The following YWHAZ variants were observed in gnomAD, a reference collection of about 807,000 sequenced individuals.
YWHAZ encodes 14-3-3 protein zeta/delta.
For synonymous variants in YWHAZ, 87 were observed against 103.6 expected, an observed-to-expected ratio of 0.84 and a Z score of 0.97; for missense variants, 79 against 284.8, an observed-to-expected ratio of 0.28 and a Z score of 5.20.
chr8:100,936,712 A>T (rs1374822821), intron 2 of YWHAZ, among the ~76,000 whole-genome samples: 4 of 152,156 alleles, frequency 2.6e-5, no homozygotes, highest in African/African-American at 4.8e-5. Flanking sequence ...GAGGCAGGTG[A>T]ATCGCTTGAA....
chr8:100,940,062 C>CAAA (rs33984830), intron 2 of YWHAZ, among the ~76,000 whole-genome samples: 18,677 of 98,750 alleles, frequency 0.19, 2,729 homozygotes, highest in East Asian at 0.47. Context: ...GACTCCGTCT[C>CAAA]AAAAAAAAAA....
chr8:100,951,403 A>AG, intron 1 of YWHAZ: 4 of 962,098 alleles, frequency 4.2e-6, no homozygotes, highest in Non-Finnish European at 3.7e-6. Context: ...AGGCTGCGCG[A>AG]GGGGGAGGGA....
chr8:100,934,596 G>A (rs1315256035), intron 2 of YWHAZ, among the ~76,000 whole-genome samples: 1 of 152,028 alleles, frequency 6.6e-6, no homozygotes, highest in Non-Finnish European at 1.5e-5. Flanking sequence ...AGCTACTCAG[G>A]AGACTGAGAC....
chr8:100,945,878 C>T (rs1297017832), intron 2 of YWHAZ, among the ~76,000 whole-genome samples: 7 of 151,916 alleles, frequency 4.6e-5, no homozygotes, highest in Non-Finnish European at 1.0e-4. Context: ...AGCCTTTCTG[C>T]TTGTTTAACA....
chr8:100,925,331 G>A (rs1813285928), intron 2 of YWHAZ, among the ~76,000 whole-genome samples: 1 of 152,092 alleles, frequency 6.6e-6, no homozygotes, highest in Admixed American at 6.6e-5. Flanking sequence ...ATGAATGTGG[G>A]GCATGACCGT....
upstream of YWHAZ, chr8:100,952,195 C>T (rs116539897): frequency 3.6e-4 from 354 of 980,496 alleles, 1 homozygote; most frequent in Non-Finnish European, 4.1e-4. Flanking sequence ...CCCCGGCGCT[C>T]GTCCTGCCCG....
At chr8:100,925,480 T>C (rs1343102651) in intron 2 of YWHAZ, among the ~76,000 whole-genome samples, 1 of 152,172 alleles carries the variant, frequency 6.6e-6, no homozygotes, top group Non-Finnish European at 1.5e-5. Context: ...AAACCAATAA[T>C]GTAAGACACT....
intron 2 of YWHAZ, among the ~76,000 whole-genome samples, chr8:100,931,163 A>C (rs1324415620): frequency 1.3e-5 from 2 of 152,246 alleles, no homozygotes; most frequent in East Asian, 3.8e-4. Context: ...TTTCCTCCCA[A>C]GCCAGTTTCC....
chr8:100,951,270 C>G, intron 1 of YWHAZ: 1 of 984,814 alleles, frequency 1.0e-6, no homozygotes, highest in Non-Finnish European at 1.2e-6. Context: ...TGGGCTCCGG[C>G]CCGCTCTCGG....
At chr8:100,953,262 T>A (rs1810927479), upstream of YWHAZ, 1 of 985,364 alleles carries the variant, frequency 1.0e-6, no homozygotes, top group South Asian at 4.7e-5. Flanking sequence ...CACATGACGA[T>A]CATTACCTTT....
At chr8:100,936,038 G>A (rs1814124350) in intron 2 of YWHAZ, among the ~76,000 whole-genome samples, 1 of 152,134 alleles carries the variant, frequency 6.6e-6, no homozygotes, top group Non-Finnish European at 1.5e-5. Context: ...CAATCATTAA[G>A]TATTTGTACA....
intron 1 of YWHAZ, 101 bp downstream of exon 1, chr8:100,951,828 G>T: frequency 1.0e-6 from 1 of 985,690 alleles, no homozygotes; most frequent in South Asian, 4.7e-5. Flanking sequence ...CGCCACCGCG[G>T]GGCGAGTGGG....
chr8:100,924,821 A>G lies in YWHAZ; in HGVS notation c.418+95T>C. On this transcript the variant is annotated intron_variant, in intron 3 of 5. Coordinates refer to ENST00000395958, the MANE Select transcript of YWHAZ (RefSeq NM_145690.3). This position sits in a 1 kb window ranked among gnomAD's most constrained non-coding sequence, Gnocchi z 5.7. ...CTGCTACTCCTTATTCGGCACTCTA[A>G]GCAATTCAAAACAAGACATTATGTA... The G allele has an allele frequency of 6.6e-7, 1 of 1,522,558 alleles. No individual in the cohort carries two copies. Among genetic ancestry groups the G allele is most frequent in the Non-Finnish European group, 8.9e-7 (1 of 1,120,054 alleles). The allele number at this position is 1,522,558 out of a possible 1,614,324, so 94.3% of individuals were successfully genotyped here.
intron 2 of YWHAZ, among the ~76,000 whole-genome samples, chr8:100,942,090 T>TA (rs1412837993): frequency 6.6e-6 from 1 of 152,136 alleles, no homozygotes; most frequent in Non-Finnish European, 1.5e-5. Flanking sequence ...TCACAACAAA[T>TA]CCTGTCAAAA....
intron 2 of YWHAZ, among the ~76,000 whole-genome samples, chr8:100,926,049 C>CA (rs34422675): frequency 6.0e-5 from 9 of 150,934 alleles, no homozygotes; most frequent in East Asian, 1.9e-4. Flanking sequence ...TCCATTCTTA[C>CA]AAAAAAAAAG....
intron 2 of YWHAZ, among the ~76,000 whole-genome samples, chr8:100,938,544 A>C (rs1814366745): frequency 6.6e-6 from 1 of 152,226 alleles, no homozygotes; most frequent in Admixed American, 6.5e-5. Context: ...TCATTAATAG[A>C]TTTAATTCCA....
rs181938609 is a variant in YWHAZ, at chr8:100,935,989, G to C, written c.295-10950C>G. Among the ~76,000 whole-genome samples, 14 of 152,072 alleles carry C rather than the reference G, an allele frequency of 9.2e-5. No individual in the cohort carries two copies. In the East Asian group the frequency reaches 1.2e-3, roughly 13 times the overall value. On this transcript the variant is annotated intron_variant, in intron 2 of 5. Coordinates refer to ENST00000395958, the MANE Select transcript of YWHAZ (RefSeq NM_145690.3). ...AGTAATCAGAGAATTTATAAACTAA[G>C]GGTCCTTAGACCAAACCCCAAAATT...
intron 1 of YWHAZ, 89 bp downstream of exon 1, chr8:100,951,840 A>T (rs1810813158): frequency 1.0e-6 from 1 of 985,890 alleles, no homozygotes; most frequent in Admixed American, 6.2e-5. Flanking sequence ...GCGAGTGGGG[A>T]TGAGGGGACG....
At chr8:100,932,513 A>G (rs1813828014) in intron 2 of YWHAZ, among the ~76,000 whole-genome samples, 1 of 152,226 alleles carries the variant, frequency 6.6e-6, no homozygotes, top group Non-Finnish European at 1.5e-5. Flanking sequence ...TTACAGTCAT[A>G]AAAAAGTAGA....
Sources: allele counts gnomAD v4.1 joint callset (sites outside exome capture counted in the v4.1 genomes callset), GRCh38; gene constraint gnomAD v4.1.1; non-coding constraint Gnocchi (gnomAD v3.1); transcripts MANE v1.5; gene names NCBI Gene and HGNC (gene_info 2026-07-23, HGNC 2026-07-21).